Variants in SCAMP1 observed in about 807,000 individuals in gnomAD.
The protein encoded by SCAMP1 is secretory carrier-associated membrane protein 1.
SCAMP1 carries 15 observed loss-of-function variants against 41.8 expected under a neutral mutation model. The observed-to-expected ratio is 0.36, with a 90% CI of 0.24 to 0.55. The LOEUF (loss-of-function observed/expected upper bound fraction) is 0.55, where lower values mean the gene tolerates loss of function less well. SCAMP1 is among the 20% of genes least tolerant of loss of function. The pLI, the probability that SCAMP1 is intolerant of heterozygous loss-of-function variation, is 0.86. For synonymous variants in SCAMP1, 135 were observed against 136.8 expected (o/e 0.99, Z 0.09); for missense variants, 341 against 412.6 (o/e 0.83, Z 1.50).
chr5:78,360,665 CAG>C lies in SCAMP1; in HGVS notation c.-1_1del, dbSNP rs749516126. 1.9e-6 allele frequency: 3 copies of C among 1,608,514 alleles called. No individual in the cohort carries two copies. Among genetic ancestry groups the C allele is most frequent in the African/African-American group, 1.3e-5 (1 of 74,684 alleles). ...GGGTCGGGTGGGTGACGCCGAGAGC[CAG>C]AGAGATGTCGGATTTCGACAGTAAC... On this transcript the variant is annotated 5_prime_UTR_variant, in exon 1 of 9. Coordinates refer to ENST00000621999, the MANE Select transcript of SCAMP1 (RefSeq NM_004866.6).
At chr5:78,440,035 G>T (rs1752877955) in intron 6 of SCAMP1, among the ~76,000 whole-genome samples, 1 of 152,098 alleles carries the variant, frequency 6.6e-6, no homozygotes, top group African/African-American at 2.4e-5. Context: ...TAGTTCTCGT[G>T]CCGTGGTTTT....
At chr5:78,427,501 TA>T (rs1200072494) in intron 6 of SCAMP1, among the ~76,000 whole-genome samples, 1 of 152,178 alleles carries the variant, frequency 6.6e-6, no homozygotes, top group Non-Finnish European at 1.5e-5. Flanking sequence ...TATGGCCATA[TA>T]TTCATTTCTC....
At chr5:78,440,575 G>A (rs1402356182) in intron 6 of SCAMP1, among the ~76,000 whole-genome samples, 6 of 152,202 alleles carry the variant, frequency 3.9e-5, no homozygotes, top group South Asian at 2.1e-4. Context: ...TGGAAGCTTC[G>A]TCTCAGAGGT....
intron 1 of SCAMP1, among the ~76,000 whole-genome samples, chr5:78,372,543 A>G (rs539159500): frequency 1.2e-3 from 170 of 143,798 alleles, no homozygotes; most frequent in African/African-American, 4.1e-3. Flanking sequence ...CTAATAGCTC[A>G]GATATTAAAA....
At chr5:78,449,671 T>C (rs2112207596) in intron 6 of SCAMP1, among the ~76,000 whole-genome samples, 1 of 152,302 alleles carries the variant, frequency 6.6e-6, no homozygotes, top group South Asian at 2.1e-4. Flanking sequence ...TCAAGAGGGA[T>C]TGTGGTGCAG....
intron 7 of SCAMP1, among the ~76,000 whole-genome samples, chr5:78,456,534 G>A (rs541631310): frequency 6.6e-6 from 1 of 151,440 alleles, no homozygotes; most frequent in Non-Finnish European, 1.5e-5. Flanking sequence ...CTGGCTTGTA[G>A]GGTTTCTGCC....
Position 78,423,420 on chromosome 5 carries a change from G to GT in SCAMP1, c.632+1466dup, listed in dbSNP as rs538538721. On this transcript the variant is annotated intron_variant, in intron 6 of 8. Coordinates refer to ENST00000621999, the MANE Select transcript of SCAMP1 (RefSeq NM_004866.6). ...AAGCATGGCTCACAAGGCTTTTTCT[G>GT]TTTTTTGTTAGTTTGTTTTGTTTTG... Among the ~76,000 whole-genome samples, 46 of 152,192 alleles carry GT rather than the reference G, an allele frequency of 3.0e-4. No individual in the cohort carries two copies. In the South Asian group the frequency reaches 3.1e-3, roughly 10 times the overall value.
At position 78,430,738 on chromosome 5, in the gene SCAMP1, G is replaced by C. The variant is rs193292108; in HGVS notation, c.632+8778G>C. Among the ~76,000 whole-genome samples the C allele has an allele frequency of 2.0e-3, 311 of 152,026 alleles. 7 individuals are homozygous for C. The highest frequency in any genetic ancestry group is 0.018 in the Admixed American group (272 of 15,240). ...CCCAGATCTTCAGACTAGAAGCTTAGGATGTTATGTTCCTACTTTATTATA... is the reference window on the plus strand; with the variant it reads ...CCCAGATCTTCAGACTAGAAGCTTACGATGTTATGTTCCTACTTTATTATA... On this transcript the variant is annotated intron_variant, in intron 6 of 8. Transcript: ENST00000621999.
chr5:78,414,528 G>T (rs898773958), intron 2 of SCAMP1, among the ~76,000 whole-genome samples: 1 of 152,062 alleles, frequency 6.6e-6, no homozygotes, highest in Non-Finnish European at 1.5e-5. Flanking sequence ...TGATCCACTT[G>T]CCTCGGCCTC....
intron 2 of SCAMP1, among the ~76,000 whole-genome samples, chr5:78,399,687 G>A (rs1364181678): frequency 3.3e-5 from 5 of 152,160 alleles, no homozygotes; most frequent in South Asian, 2.1e-4. Context: ...AAGGGTTCTT[G>A]TATCTTTTGG....
At chr5:78,410,287 A>G (rs1752042960) in intron 2 of SCAMP1, among the ~76,000 whole-genome samples, 1 of 150,464 alleles carries the variant, frequency 6.6e-6, no homozygotes, top group African/African-American at 2.5e-5. Flanking sequence ...CCCTTTGCCC[A>G]CCCCTAATCC....
At chr5:78,469,916 AAAAAAAAAAAAAAAAACAAC>A (rs1230863624) in intron 8 of SCAMP1, among the ~76,000 whole-genome samples, 22,197 of 69,716 alleles carry the variant, frequency 0.32, 4,146 homozygotes, top group Non-Finnish European at 0.37. Flanking sequence ...AAAAAAACAA[AAAAAAAAAAAAAAAAACAAC>A]AACACAGCCC....
At chr5:78,416,716 C>T in intron 4 of SCAMP1, 67 bp downstream of exon 4, 1 of 1,208,576 alleles carries the variant, frequency 8.3e-7, no homozygotes, top group South Asian at 1.4e-5. Flanking sequence ...TATACTAGCT[C>T]CTAGGTCATT....
In SCAMP1 at chr5:78,459,238, T is replaced by A. The variant is rs965823014; in HGVS notation, c.735-7T>A. The A allele has an allele frequency of 1.5e-6, 2 of 1,356,704 alleles. No homozygotes were observed. Among genetic ancestry groups the A allele is most frequent in the African/African-American group, 2.9e-5 (2 of 69,952 alleles). 84.0% of individuals were successfully genotyped at this position (1,356,704 alleles called of 1,614,324 possible). On this transcript the variant is annotated splice_polypyrimidine_tract_variant and splice_region_variant and intron_variant, in intron 7 of 8. Coordinates refer to ENST00000621999, the MANE Select transcript of SCAMP1 (RefSeq NM_004866.6). The stretch of plus-strand genomic sequence containing the variant: ...TTTGCCTAATTACACTTTTTATTAC[T>A]TTTTAGTGGTTGGATTTCATCCCTT...
At chr5:78,371,869 G>A (rs901604804) in intron 1 of SCAMP1, among the ~76,000 whole-genome samples, 1 of 152,198 alleles carries the variant, frequency 6.6e-6, no homozygotes, top group Non-Finnish European at 1.5e-5. Flanking sequence ...TTAAAGCAAA[G>A]GATATGCGTA....
chr5:78,445,058 G>GT (rs1753020451), intron 6 of SCAMP1, among the ~76,000 whole-genome samples: 1 of 152,108 alleles, frequency 6.6e-6, no homozygotes. Context: ...GTTAACTTGT[G>GT]TCCCCCCATC....
At chr5:78,469,890 T>TAAAAAAAAAAA (rs141989832) in intron 8 of SCAMP1, among the ~76,000 whole-genome samples, 10 of 15,004 alleles carry the variant, frequency 6.7e-4, no homozygotes, top group Non-Finnish European at 1.0e-3. Flanking sequence ...TACAAGACAT[T>TAAAAAAAAAAA]AAAAAAAAAA....
At chr5:78,399,272 A>G (rs1340675308) in intron 2 of SCAMP1, among the ~76,000 whole-genome samples, 1 of 152,240 alleles carries the variant, frequency 6.6e-6, no homozygotes, top group Non-Finnish European at 1.5e-5. Context: ...TAGAGCTGCT[A>G]TAAATAACTG....
At chr5:78,368,446 T>A (rs1227235710) in intron 1 of SCAMP1, among the ~76,000 whole-genome samples, 1 of 152,230 alleles carries the variant, frequency 6.6e-6, no homozygotes, top group Non-Finnish European at 1.5e-5. Context: ...GATTAATATT[T>A]AATAGTGATA....
Sources: allele counts gnomAD v4.1 joint callset (sites outside exome capture counted in the v4.1 genomes callset), GRCh38; gene constraint gnomAD v4.1.1; transcripts MANE v1.5; gene names NCBI Gene and HGNC (gene_info 2026-07-23, HGNC 2026-07-21).